HMGXB3: variants seen among roughly 807,000 people sequenced by gnomAD.
The protein encoded by HMGXB3 is HMG-box containing 3.
Under a neutral mutation model 121.5 loss-of-function variants are expected in HMGXB3, and 45 were observed. That is an observed-to-expected ratio of 0.37 (90% CI 0.29 to 0.47). HMGXB3 has a LOEUF of 0.47. HMGXB3 is among the 20% of genes least tolerant of loss of function. HMGXB3 has a pLI of 0.99. For synonymous variants in HMGXB3, 590 were observed against 624.1 expected (o/e 0.95, Z 0.81); for missense variants, 1,376 against 1,602.2 (o/e 0.86, Z 2.41).
chr5:150,040,299 A>G (rs993456312), intron 13 of HMGXB3, among the ~76,000 whole-genome samples: 1 of 152,046 alleles, frequency 6.6e-6, no homozygotes, highest in East Asian at 1.9e-4. Flanking sequence ...ATTCTTTTTA[A>G]TGCTTTCTAT....
rs974646718 is a variant in HMGXB3, at chr5:150,048,595, C to A, written c.3111C>A (p.Ala1037=). Reference sequence around the variant, plus strand: ...ACCAGCTCTGCTTCTCCTTGTTGGCCCTCTACGAATCTGTACAGAATGGAG... The same window carrying A: ...ACCAGCTCTGCTTCTCCTTGTTGGCACTCTACGAATCTGTACAGAATGGAG... ...SKDQLCFSLL[A]LYESVQNGAR... The change falls in exon 18 of 20, where the codon GCC becomes GCA. Residue 1037 remains alanine, a synonymous_variant. Transcript: ENST00000502717. 13 of 1,551,774 alleles carry A rather than the reference C, an allele frequency of 8.4e-6. No individual in the cohort carries two copies. The highest frequency in any genetic ancestry group is 1.1e-5 in the Non-Finnish European group (13 of 1,146,944).
At position 150,048,700 on chromosome 5, in the gene HMGXB3, A is replaced by AG. The variant is rs771615470; in HGVS notation, c.3201+20dup. On this transcript the variant is annotated intron_variant, in intron 18 of 19. Coordinates refer to ENST00000502717, the MANE Select transcript of HMGXB3 (RefSeq NM_014983.3). ...GCCCCCATCAGGTAAGAAAATAACT[A>AG]GGGGGAGCTTGGAGTGAATTTGCTA... The AG allele has an allele frequency of 1.7e-5, 25 of 1,492,646 alleles. No individual in the cohort carries two copies. The Middle Eastern group carries it at 5.1e-4, about 30-fold the overall frequency. 92.5% of individuals were successfully genotyped at this position (1,492,646 alleles called of 1,614,324 possible).
intron 15 of HMGXB3, among the ~76,000 whole-genome samples, chr5:150,042,655 C>T (rs1463887684): frequency 1.3e-5 from 2 of 151,956 alleles, no homozygotes; most frequent in African/African-American, 4.8e-5. Context: ...GTGCAGGAGG[C>T]CGACGCTATG....
intron 18 of HMGXB3, among the ~76,000 whole-genome samples, chr5:150,049,641 C>T (rs981829728): frequency 6.6e-6 from 1 of 152,316 alleles, no homozygotes; most frequent in African/African-American, 2.4e-5. Flanking sequence ...AAGCAGCTGA[C>T]AGCACGGGGA....
intron 6 of HMGXB3, among the ~76,000 whole-genome samples, chr5:150,021,401 C>A (rs1265911364): frequency 6.6e-6 from 1 of 152,252 alleles, no homozygotes; most frequent in Admixed American, 6.5e-5. Context: ...AACCACACTT[C>A]TCAGGCATTG....
In HMGXB3 at chr5:150,045,584, T is replaced by C; in HGVS notation, c.2849T>C (p.Phe950Ser). 2 of 1,552,030 alleles carry C rather than the reference T, an allele frequency of 1.3e-6. No homozygotes were observed. The highest frequency in any genetic ancestry group is 1.7e-6 in the Non-Finnish European group (2 of 1,147,076). The change falls in exon 16 of 20, where the codon TTT (phenylalanine) becomes TCT (serine). Residue 950 changes from phenylalanine (F) to serine (S), a missense_variant. Phe to Ser is a radical substitution (Grantham distance 155). Around this residue, in one of 2 missense-constraint regions of HMGXB3, gnomAD observed 1,116 missense variants for 1,369.0 expected, o/e 0.82. Transcript: ENST00000502717. ...CCTGCCAGCATCCCTATCACCAAAT[T>C]TGATGCGTCTGTTATTGCCCCCTTC... ...AFPASIPITK[F>S]DASVIAPFFP...
Position 150,030,799 on chromosome 5 carries a change from A to G in HMGXB3, c.1793A>G (p.Asp598Gly), listed in dbSNP as rs1756353941. 4 of 1,552,150 alleles carry G rather than the reference A, an allele frequency of 2.6e-6. No individual in the cohort carries two copies. The highest frequency in any genetic ancestry group is 1.2e-5 in the South Asian group (1 of 84,056). Residue 598 changes from aspartate (D) to glycine (G), a missense_variant, in exon 10 of 20, where the codon GAT becomes GGT. Asp to Gly is a moderately conservative substitution (Grantham distance 94, BLOSUM62 -1). Transcript: ENST00000502717. ...GTGAAAGTTGTGGAGGTCAAGCCCG[A>G]TATGTTTCCTCCATATAAGTACAGC... ...SQVKVVEVKP[D>G]MFPPYKYSCT...
At position 150,026,853 on chromosome 5, in the gene HMGXB3, C is replaced by T; in HGVS notation, c.1608C>T (p.Pro536=). The change falls in exon 8 of 20, where the codon CCC becomes CCT. Residue 536 remains proline, a synonymous_variant. Coordinates refer to ENST00000502717, the MANE Select transcript of HMGXB3 (RefSeq NM_014983.3). ...GGCGAGGCAGCAGCATGGGACTGCC[C>T]AGGGCCAGGCAGGCCTTTTCCCTGA... The part of the protein sequence containing the change: ...NVGRGSSMGL[P]RARQAFSLSD... 6.6e-7 allele frequency: 1 copy of T among 1,518,340 alleles called. No homozygotes were observed. Among genetic ancestry groups the T allele is most frequent in the Non-Finnish European group, 8.8e-7 (1 of 1,131,666 alleles). The allele number at this position is 1,518,340 out of a possible 1,614,324, so 94.1% of individuals were successfully genotyped here.
At chr5:150,018,415 G>A in intron 5 of HMGXB3, 151 bp from the exon 6 acceptor site, 1 of 540,344 alleles carries the variant, frequency 1.9e-6, no homozygotes, top group Non-Finnish European at 3.0e-6. Flanking sequence ...TTGTTGTATT[G>A]TAGGACCTTT....
chr5:150,011,460 G>A (rs1438963099), intron 4 of HMGXB3, among the ~76,000 whole-genome samples: 1 of 152,196 alleles, frequency 6.6e-6, no homozygotes, highest in Non-Finnish European at 1.5e-5. Flanking sequence ...CCAGCTTGCT[G>A]TAGCCCTTAT....
intron 3 of HMGXB3, 113 bp from the exon 4 acceptor site, chr5:150,009,998 C>G: frequency 4.2e-6 from 5 of 1,194,518 alleles, no homozygotes; most frequent in African/African-American, 1.5e-5. Context: ...TTTCCAGTCC[C>G]TTTTGCAGGA....
chr5:150,028,537 GTGTGTATA>G (rs1756293429), intron 9 of HMGXB3, among the ~76,000 whole-genome samples: 2 of 57,658 alleles, frequency 3.5e-5, no homozygotes, highest in Non-Finnish European at 6.5e-5. Context: ...GTGTGTGTGT[GTGTGTATA>G]TATATATATA....
At chr5:150,006,683 G>C (rs1317700103) in intron 3 of HMGXB3, 36 bp downstream of exon 3, 1 of 1,535,982 alleles carries the variant, frequency 6.5e-7, no homozygotes, top group East Asian at 2.4e-5. Context: ...TTTTTCCACT[G>C]GTTCAGTGAT....
chr5:150,028,307 A>G (rs1756279909), intron 9 of HMGXB3, among the ~76,000 whole-genome samples: 2 of 151,592 alleles, frequency 1.3e-5, no homozygotes, highest in African/African-American at 2.4e-5. Flanking sequence ...TTTGAATAGA[A>G]TGGGAGGCAG....
Position 150,012,305 on chromosome 5 carries a change from G to A in HMGXB3, c.861G>A (p.Leu287=). The change falls in exon 5 of 20, where the codon TTG becomes TTA. Residue 287 remains leucine (L), a synonymous_variant. Coordinates refer to ENST00000502717, the MANE Select transcript of HMGXB3 (RefSeq NM_014983.3). ...CACCAGCCACACAGTTCATCATGTT[G>A]CCTCTGCCTGCCTACTCGGTTGTGG... ...SSAPATQFIM[L]PLPAYSVVEN... 1 of 1,552,320 alleles carries A rather than the reference G, an allele frequency of 6.4e-7. No homozygotes were observed. Among genetic ancestry groups the A allele is most frequent in the Non-Finnish European group, 8.7e-7 (1 of 1,147,120 alleles).
chr5:150,019,279 A>T (rs7720965), intron 6 of HMGXB3, among the ~76,000 whole-genome samples: 7 of 152,142 alleles, frequency 4.6e-5, no homozygotes, highest in African/African-American at 1.2e-4. Context: ...CCCCGTCTGT[A>T]TATAGAGATG....
At chr5:150,003,142 TAAAA>T (rs1433718749) in intron 1 of HMGXB3, among the ~76,000 whole-genome samples, 3 of 152,120 alleles carry the variant, frequency 2.0e-5, no homozygotes, top group South Asian at 4.1e-4. Context: ...GACCTTGTCT[TAAAA>T]ATAAATAAAT....
chr5:150,007,303 T>C (rs745895907), intron 3 of HMGXB3, among the ~76,000 whole-genome samples: 1 of 152,268 alleles, frequency 6.6e-6, no homozygotes, highest in Non-Finnish European at 1.5e-5. Flanking sequence ...CTGACAGCTA[T>C]TTAAACTGCT....
rs1343613133 is a variant in HMGXB3, at chr5:150,045,525, G to A, written c.2790G>A (p.Thr930=). Reference sequence around the variant, plus strand: ...TAAATGTGGAGGACTTTTGGGCCACGATGGAGACAGAGGTGATTGAGCAGG... The same window carrying A: ...TAAATGTGGAGGACTTTTGGGCCACAATGGAGACAGAGGTGATTGAGCAGG... ...NEVNVEDFWA[T]METEVIEQVA... The change falls in exon 16 of 20, where the codon ACG becomes ACA. Residue 930 remains threonine (T), a synonymous_variant. Transcript: ENST00000502717. The A allele has an allele frequency of 3.9e-6, 6 of 1,552,312 alleles. No homozygotes were observed. The highest frequency in any genetic ancestry group is 4.9e-5 in the East Asian group (2 of 40,928).
Sources: gnomAD v4.1 joint callset for allele counts (sites outside exome capture counted in the v4.1 genomes callset) on GRCh38, gnomAD v4.1.1 for gene constraint, gnomAD v4.1.1 regional missense constraint, MANE v1.5 for transcripts, NCBI Gene and HGNC (gene_info 2026-07-23, HGNC 2026-07-21) for gene names.